EXOC4: variants seen among roughly 807,000 people sequenced by gnomAD.
The protein encoded by EXOC4 is exocyst complex component 4.
Under a neutral mutation model 107.2 loss-of-function variants are expected in EXOC4, and 71 were observed. That is an observed-to-expected ratio of 0.66 (90% CI 0.55 to 0.81). The LOEUF (loss-of-function observed/expected upper bound fraction) is 0.81, where lower values mean the gene tolerates loss of function less well. EXOC4 is among the 30% of genes least tolerant of loss of function. EXOC4 has a pLI of 0.00. For synonymous variants in EXOC4, 456 were observed against 441.2 expected (o/e 1.03, Z -0.42); for missense variants, 1,108 against 1,189.6 (o/e 0.93, Z 1.01).
chr7:133,644,662 C>T (rs1351407130), intron 10 of EXOC4, among the ~76,000 whole-genome samples: 2 of 151,952 alleles, frequency 1.3e-5, no homozygotes, highest in African/African-American at 4.8e-5. Context: ...ACTTAAAACC[C>T]GTGAATCTGA....
chr7:133,551,803 C>T (rs990676998), intron 9 of EXOC4: 104 of 151,632 alleles, frequency 6.9e-4, no homozygotes, highest in African/African-American at 2.2e-3. Flanking sequence ...GTTAAAATGC[C>T]GAAGTTTGGG....
At chr7:133,743,293 G>A (rs976769289) in intron 10 of EXOC4, among the ~76,000 whole-genome samples, 3 of 152,150 alleles carry the variant, frequency 2.0e-5, no homozygotes, top group Non-Finnish European at 4.4e-5. Flanking sequence ...GGGCCTGATT[G>A]AAGGCCCTGA....
chr7:133,477,199 C>T (rs768373849), intron 8 of EXOC4, among the ~76,000 whole-genome samples: 1 of 152,078 alleles, frequency 6.6e-6, no homozygotes, highest in Non-Finnish European at 1.5e-5. Context: ...CATTAGAGTT[C>T]ACTCTTTGTG....
intron 9 of EXOC4, among the ~76,000 whole-genome samples, chr7:133,548,231 G>A (rs537922359): frequency 1.1e-4 from 16 of 152,078 alleles, no homozygotes; most frequent in South Asian, 2.1e-4. Flanking sequence ...CTCTTTGTCC[G>A]TTCAAATTTT....
intron 7 of EXOC4, among the ~76,000 whole-genome samples, chr7:133,383,928 G>A (rs978838218): frequency 7.9e-5 from 12 of 152,098 alleles, no homozygotes; most frequent in African/African-American, 2.9e-4. Context: ...CTTCTGTCTC[G>A]TCAGTGGATA....
At chr7:134,069,205 G>GTTCTTC (rs201983674), downstream of EXOC4, among the ~76,000 whole-genome samples, 3 of 71,604 alleles carry the variant, frequency 4.2e-5, no homozygotes, top group South Asian at 8.6e-4. Context: ...CCCTTTACCA[G>GTTCTTC]TTCTTCTTCT....
At chr7:133,661,439 G>A (rs568603868) in intron 10 of EXOC4, among the ~76,000 whole-genome samples, 2 of 152,084 alleles carry the variant, frequency 1.3e-5, no homozygotes, top group Non-Finnish European at 2.9e-5. Flanking sequence ...GTAAAAGTTT[G>A]CTGCTACAAA....
intron 10 of EXOC4, among the ~76,000 whole-genome samples, chr7:133,794,132 C>T (rs1796764310): frequency 6.6e-6 from 1 of 152,120 alleles, no homozygotes; most frequent in South Asian, 2.1e-4. Flanking sequence ...CATTTTTTTG[C>T]TACTAAGTGG....
intron 12 of EXOC4, among the ~76,000 whole-genome samples, chr7:133,905,074 A>G (rs551381132): frequency 1.6e-4 from 25 of 152,344 alleles, no homozygotes; most frequent in African/African-American, 6.0e-4. Context: ...CTGGGGAAGG[A>G]GGAAGGGAGC....
chr7:133,692,226 A>G (rs1454274257), intron 10 of EXOC4, among the ~76,000 whole-genome samples: 2 of 152,256 alleles, frequency 1.3e-5, no homozygotes, highest in Non-Finnish European at 2.9e-5. Flanking sequence ...GAGTATTTCT[A>G]GAGTCCAGCT....
intron 9 of EXOC4, among the ~76,000 whole-genome samples, chr7:133,504,118 TA>T (rs1484388697): frequency 1.3e-5 from 2 of 152,152 alleles, no homozygotes; most frequent in Non-Finnish European, 2.9e-5. Flanking sequence ...ACAACTTTAG[TA>T]AAAGCATATG....
chr7:133,856,872 A>G (rs62470396), intron 11 of EXOC4, among the ~76,000 whole-genome samples: 132,290 of 150,808 alleles, frequency 0.88, 58,140 homozygotes, highest in East Asian at 0.99. Flanking sequence ...AGGCCAAGGC[A>G]GGCGGATCAC....
At chr7:133,844,379 T>C (rs937094940) in intron 11 of EXOC4, among the ~76,000 whole-genome samples, 3 of 59,532 alleles carry the variant, frequency 5.0e-5, no homozygotes, top group Admixed American at 1.4e-4. Flanking sequence ...CACATATTCC[T>C]TTTTTTTTTT....
At chr7:133,467,045 C>T (rs1798746633) in intron 7 of EXOC4, among the ~76,000 whole-genome samples, 1 of 152,024 alleles carries the variant, frequency 6.6e-6, no homozygotes, top group African/African-American at 2.4e-5. Flanking sequence ...ATGGAAATAC[C>T]ATCAATCTTA....
chr7:133,518,979 G>A lies in EXOC4; in HGVS notation c.1417+38841G>A, dbSNP rs538209654. Among the ~76,000 whole-genome samples the A allele has an allele frequency of 9.7e-4, 148 of 151,892 alleles. 1 individual carries two copies. The highest frequency in any genetic ancestry group is 1.8e-3 in the Non-Finnish European group (125 of 67,990). ...CTGTATACTTAAAAATAGTAAAAAT[G>A]GTAATTTTTATGTTATGTATATTTT... On this transcript the variant is annotated intron_variant, in intron 9 of 17. Transcript: ENST00000253861.
intron 7 of EXOC4, among the ~76,000 whole-genome samples, chr7:133,412,655 C>A (rs188833278): frequency 1.3e-3 from 199 of 151,848 alleles, no homozygotes; most frequent in Middle Eastern, 6.8e-3. Context: ...GACTCTATCT[C>A]TAAAAAAATC....
At chr7:133,599,789 T>C (rs1275060481) in intron 9 of EXOC4, among the ~76,000 whole-genome samples, 2 of 152,168 alleles carry the variant, frequency 1.3e-5, no homozygotes, top group African/African-American at 2.4e-5. Flanking sequence ...GTGATTCTTA[T>C]TCTATAAAGT....
At chr7:133,311,431 G>A in intron 4 of EXOC4, among the ~76,000 whole-genome samples, 1 of 152,146 alleles carries the variant, frequency 6.6e-6, no homozygotes, top group Non-Finnish European at 1.5e-5. Context: ...TTGAACAATA[G>A]TTCAGCTGGG....
intron 9 of EXOC4, among the ~76,000 whole-genome samples, chr7:133,629,269 G>C (rs1246796630): frequency 6.6e-6 from 1 of 152,126 alleles, no homozygotes; most frequent in East Asian, 1.9e-4. Flanking sequence ...TGGGGTCTTA[G>C]ATATGATAAA....
Sources: gnomAD v4.1 joint callset for allele counts (sites outside exome capture counted in the v4.1 genomes callset) on GRCh38, gnomAD v4.1.1 for gene constraint, MANE v1.5 for transcripts, NCBI Gene and HGNC (gene_info 2026-07-23, HGNC 2026-07-21) for gene names.